The following LMNB1 variants were observed in gnomAD, a reference collection of about 807,000 sequenced individuals.
LMNB1 encodes lamin B1, also known as lamin-B1.
A neutral mutation model predicts 67.1 loss-of-function variants in LMNB1; 23 were observed. That is an observed-to-expected ratio of 0.34 (90% CI 0.25 to 0.49). LMNB1 has a LOEUF of 0.49. Among genes scored for constraint, LMNB1 ranks in the 20% least tolerant of loss-of-function variants. The pLI is 0.99. For synonymous variants in LMNB1, 281 were observed against 282.9 expected, an observed-to-expected ratio of 0.99 and a Z score of 0.07; for missense variants, 634 against 746.5, an observed-to-expected ratio of 0.85 and a Z score of 1.76.
At chr5:126,829,212 T>G (rs1441894609) in intron 9 of LMNB1, among the ~76,000 whole-genome samples, 2 of 152,010 alleles carry the variant, frequency 1.3e-5, no homozygotes, top group Admixed American at 1.3e-4. Flanking sequence ...TAATGGAAAT[T>G]TTTTGGGCTC....
rs1480854500 is a variant in LMNB1, at chr5:126,782,827, C to T, written c.359+4960C>T. On this transcript the variant is annotated intron_variant, in intron 1 of 10. Transcript: ENST00000261366. ...CCTCCCAAAGTGCTGGGATTACAGG[C>T]GTGAGCCACTGTGCCTGGTCAAAAA... Among the ~76,000 whole-genome samples, 6 of 152,028 alleles carry T rather than the reference C, an allele frequency of 3.9e-5. No homozygotes were observed. In the East Asian group the frequency reaches 5.8e-4, roughly 15 times the overall value.
chr5:126,811,851 A>G lies in LMNB1; in HGVS notation c.892A>G (p.Met298Val), dbSNP rs1751585423. ...SAREELMESRMRIESLSSQLS... is the reference protein window; with the variant it reads ...SAREELMESRVRIESLSSQLS... ...CAGGGAAGAACTGATGGAAAGCCGC[A>G]TGAGAATTGAGAGCCTTTCATCCCA... Residue 298 changes from methionine to valine, a missense_variant, in exon 5 of 11, where the codon ATG becomes GTG. Transcript: ENST00000261366. 6.2e-7 allele frequency: 1 copy of G among 1,612,764 alleles called. No individual in the cohort carries two copies. The highest frequency in any genetic ancestry group is 8.5e-7 in the Non-Finnish European group (1 of 1,178,840).
rs561949269 is a variant in LMNB1, at chr5:126,807,334, T to A, written c.642+1638T>A. Among the ~76,000 whole-genome samples the A allele has an allele frequency of 3.3e-5, 5 of 152,296 alleles. No homozygotes were observed. In the East Asian group the frequency reaches 7.7e-4, roughly 23 times the overall value. On this transcript the variant is annotated intron_variant, in intron 3 of 10. Coordinates refer to ENST00000261366, the MANE Select transcript of LMNB1 (RefSeq NM_005573.4). Reference sequence around the variant, plus strand: ...TTCATTGTAGCAGTTAGCAAACCAGTTTTTTAGTTGGAGGAAAAATAATAG... The same window carrying A: ...TTCATTGTAGCAGTTAGCAAACCAGATTTTTAGTTGGAGGAAAAATAATAG...
chr5:126,805,966 G>A (rs1751409891), intron 3 of LMNB1, among the ~76,000 whole-genome samples: 2 of 151,936 alleles, frequency 1.3e-5, no homozygotes, highest in African/African-American at 4.8e-5. Context: ...TTTTGTTTTT[G>A]TTTTTTTGAG....
rs894440185 is a variant in LMNB1 at position 126,832,807 on chromosome 5, A to G, written c.1719+6A>G. 2 of 1,535,280 alleles carry G rather than the reference A, an allele frequency of 1.3e-6. No individual in the cohort carries two copies. Among genetic ancestry groups the G allele is most frequent in the East Asian group, 4.5e-5 (2 of 44,060 alleles). On this transcript the variant is annotated splice_donor_region_variant and intron_variant, in intron 10 of 10. Coordinates refer to ENST00000261366, the MANE Select transcript of LMNB1 (RefSeq NM_005573.4). ...AAGAACTTTTCCACCAGCAGGTATT[A>G]CTTTATTTATTTAATATATTTATTT... is the stretch of plus-strand genomic sequence containing the variant.
intron 9 of LMNB1, among the ~76,000 whole-genome samples, chr5:126,829,074 G>A (rs1171534882): frequency 2.6e-5 from 4 of 151,772 alleles, no homozygotes; most frequent in Non-Finnish European, 5.9e-5. Flanking sequence ...AACAATCCCC[G>A]CCATAAAGAC....
At chr5:126,818,892 G>A (rs2126726800) in intron 5 of LMNB1, 30 bp from the exon 6 acceptor site, 1 of 1,508,572 alleles carries the variant, frequency 6.6e-7, no homozygotes, top group East Asian at 2.3e-5. Flanking sequence ...AATGTTCCTA[G>A]AAAGTAAATA....
At chr5:126,805,469 A>G (rs1299266859) in intron 2 of LMNB1, 102 bp from the exon 3 acceptor site, 1 of 768,516 alleles carries the variant, frequency 1.3e-6, no homozygotes, top group Non-Finnish European at 2.1e-6. Flanking sequence ...ATAAATATAT[A>G]GGAATTTTAA....
intron 6 of LMNB1, 48 bp from the exon 7 acceptor site, chr5:126,820,862 A>G: frequency 7.3e-7 from 1 of 1,363,496 alleles, no homozygotes; most frequent in Non-Finnish European, 1.0e-6. Context: ...TTAAGGCGAG[A>G]AGGGCATATG....
chr5:126,822,298 C>T (rs899098693), intron 7 of LMNB1, among the ~76,000 whole-genome samples: 1 of 150,838 alleles, frequency 6.6e-6, no homozygotes, highest in African/African-American at 2.4e-5. Flanking sequence ...CCCCACTGAC[C>T]CTTTTTTTGA....
At chr5:126,835,165 A>G (rs1377115609) in intron 10 of LMNB1, among the ~76,000 whole-genome samples, 1 of 152,184 alleles carries the variant, frequency 6.6e-6, no homozygotes, top group Non-Finnish European at 1.5e-5. Flanking sequence ...TGAGGGTGAG[A>G]GAAGAAAAAA....
intron 10 of LMNB1, among the ~76,000 whole-genome samples, chr5:126,835,228 C>T (rs1290167121): frequency 6.6e-6 from 1 of 151,990 alleles, no homozygotes. Context: ...CTAATGATAC[C>T]AAGGTTCATA....
rs546627195 is a variant in LMNB1 at position 126,795,790 on chromosome 5, A to G, written c.360-8986A>G. 7.3e-5 allele frequency among the ~76,000 whole-genome samples: 11 copies of G among 151,164 alleles called. No homozygotes were observed. The South Asian group carries it at 1.5e-3, about 20-fold the overall frequency. ...CAGGCATGCACAACCACACCTGGCT[A>G]ATTTTTTTGTATTTGTTAGTTAGAC... On this transcript the variant is annotated intron_variant, in intron 1 of 10. Coordinates refer to ENST00000261366, the MANE Select transcript of LMNB1 (RefSeq NM_005573.4).
At chr5:126,794,933 A>G (rs866865119) in intron 1 of LMNB1, among the ~76,000 whole-genome samples, 55 of 152,174 alleles carry the variant, frequency 3.6e-4, no homozygotes, top group African/African-American at 1.3e-3. Context: ...GACCAAGAGA[A>G]TGTTAACAGG....
At chr5:126,803,302 A>G (rs4267910) in intron 1 of LMNB1, among the ~76,000 whole-genome samples, 42,405 of 149,890 alleles carry the variant, frequency 0.28, 6,345 homozygotes, top group South Asian at 0.39. Flanking sequence ...CTGGAGTGCA[A>G]TGGCACAATC....
chr5:126,824,406 G>A (rs1554115294), intron 8 of LMNB1, among the ~76,000 whole-genome samples: 1 of 151,464 alleles, frequency 6.6e-6, no homozygotes, highest in African/African-American at 2.4e-5. Flanking sequence ...TTTATGTTTA[G>A]CTAAGTCTTC....
At chr5:126,798,847 GAAT>G (rs1329604350) in intron 1 of LMNB1, among the ~76,000 whole-genome samples, 4 of 151,902 alleles carry the variant, frequency 2.6e-5, no homozygotes, top group Non-Finnish European at 5.9e-5. Flanking sequence ...GAAGATGTAG[GAAT>G]AATAAGTCAT....
At chr5:126,794,852 G>A (rs1285961355) in intron 1 of LMNB1, among the ~76,000 whole-genome samples, 1 of 152,116 alleles carries the variant, frequency 6.6e-6, no homozygotes, top group African/African-American at 2.4e-5. Context: ...TTCATCTCCT[G>A]TAATATATTT....
rs181645951 is a variant in LMNB1 at position 126,800,692 on chromosome 5, G to A, written c.360-4084G>A. ...TTTGAGACGGAGTTTCACTCTTGTT[G>A]CCCAGGCTGGAGTGCAATGGCACAA... On this transcript the variant is annotated intron_variant, in intron 1 of 10. Coordinates refer to ENST00000261366, the MANE Select transcript of LMNB1 (RefSeq NM_005573.4). 8.2e-3 allele frequency among the ~76,000 whole-genome samples: 767 copies of A among 93,684 alleles called. 9 individuals are homozygous for A. Among genetic ancestry groups the A allele is most frequent in the African/African-American group, 0.031 (732 of 23,312 alleles). 61.5% of individuals were successfully genotyped at this position (93,684 alleles called of 152,430 possible). A position where few individuals can be genotyped will look rare whatever the true frequency, so the allele number is the denominator to read the frequency against.
Sources: allele counts gnomAD v4.1 joint callset (sites outside exome capture counted in the v4.1 genomes callset), GRCh38; gene constraint gnomAD v4.1.1; transcripts MANE v1.5; gene names NCBI Gene and HGNC (gene_info 2026-07-23, HGNC 2026-07-21).